The following MEGF10 variants were observed in gnomAD, a reference collection of about 807,000 sequenced individuals.
MEGF10 encodes the protein multiple epidermal growth factor-like domains protein 10.
A neutral mutation model predicts 147.5 loss-of-function variants in MEGF10; 86 were observed. The observed-to-expected ratio is 0.58, with a 90% confidence interval of 0.49 to 0.70. MEGF10 has a LOEUF of 0.70. MEGF10 is among the 30% of genes least tolerant of loss of function. The probability of loss-of-function intolerance (pLI) is 0.00; values close to 1 mark genes in which losing one functional copy is unlikely to be tolerated. For synonymous variants in MEGF10, 478 were observed against 525.5 expected (o/e 0.91, Z 1.24); for missense variants, 1,329 against 1,487.3 (o/e 0.89, Z 1.75).
At position 127,460,654 on chromosome 5, in the gene MEGF10, C is replaced by A. The variant is rs571575080; in HGVS notation, c.*3336C>A. 1 of 152,108 alleles carries A rather than the reference C, an allele frequency of 6.6e-6. No homozygotes were observed. Among genetic ancestry groups the A allele is most frequent in the Non-Finnish European group, 1.5e-5 (1 of 68,020 alleles). 9.4% of individuals were successfully genotyped at this position (152,108 alleles called of 1,614,324 possible). On this transcript the variant is annotated 3_prime_UTR_variant, in exon 25 of 25. Transcript: ENST00000503335. The stretch of plus-strand genomic sequence containing the variant: ...AATGGTAAATATTGCAAAAGTTAAA[C>A]AAGGGTACCACAATATCATTTATAA...
intron 5 of MEGF10, among the ~76,000 whole-genome samples, chr5:127,377,576 A>G (rs2126877391): frequency 6.6e-6 from 1 of 152,340 alleles, no homozygotes; most frequent in East Asian, 1.9e-4. Flanking sequence ...CGTAAGGAAC[A>G]CTGATAACCT....
At chr5:127,320,446 T>C (rs1188002446) in intron 1 of MEGF10, among the ~76,000 whole-genome samples, 1 of 152,160 alleles carries the variant, frequency 6.6e-6, no homozygotes, top group Non-Finnish European at 1.5e-5. Context: ...GGGTCATTTC[T>C]TGAGTGAAAG....
upstream of MEGF10, among the ~76,000 whole-genome samples, chr5:127,287,785 A>G (rs1759075969): frequency 6.6e-6 from 1 of 152,060 alleles, no homozygotes; most frequent in South Asian, 2.1e-4. Context: ...GAAGAGTTGA[A>G]CAAATTTTGA....
intron 1 of MEGF10, among the ~76,000 whole-genome samples, chr5:127,294,852 A>G (rs1029836237): frequency 4.8e-5 from 7 of 147,216 alleles, no homozygotes; most frequent in Non-Finnish European, 1.1e-4. Flanking sequence ...CTTGGAGTAG[A>G]AAAAGGACAA....
At chr5:127,435,590 T>TA in intron 16 of MEGF10, 101 bp downstream of exon 16, 1 of 1,162,206 alleles carries the variant, frequency 8.6e-7, no homozygotes. Flanking sequence ...CAAGAAAGAA[T>TA]ATATGACTAA....
the MEGF10 span, among the ~76,000 whole-genome samples, chr5:127,265,016 T>G: frequency 6.6e-6 from 1 of 152,016 alleles, no homozygotes; most frequent in Non-Finnish European, 1.5e-5. Flanking sequence ...GTGCTGCACC[T>G]ATTAACTTGT....
intron 4 of MEGF10, among the ~76,000 whole-genome samples, chr5:127,366,783 G>A (rs185759742): frequency 9.0e-4 from 137 of 152,234 alleles, no homozygotes; most frequent in Admixed American, 2.9e-3. Flanking sequence ...CAGGAATCAC[G>A]CATGAGAACA....
At chr5:127,325,905 ATATAT>A (rs1561572330) in intron 1 of MEGF10, among the ~76,000 whole-genome samples, 10 of 16,916 alleles carry the variant, frequency 5.9e-4, no homozygotes, top group Non-Finnish European at 1.0e-3. Context: ...ATATATATAT[ATATAT>A]TTTTTTTTTT....
At chr5:127,353,141 A>G (rs113769731) in intron 4 of MEGF10, among the ~76,000 whole-genome samples, 38 of 152,318 alleles carry the variant, frequency 2.5e-4, no homozygotes, top group African/African-American at 9.1e-4. Flanking sequence ...GATTTCTGGC[A>G]GTGAGGTAAG....
At chr5:127,370,101 T>A in intron 5 of MEGF10, 99 bp downstream of exon 5, 1 of 825,764 alleles carries the variant, frequency 1.2e-6, no homozygotes, top group Non-Finnish European at 2.0e-6. Flanking sequence ...TCTTCATCCC[T>A]ACACAGAGCA....
At chr5:127,356,149 C>A (rs1466215217) in intron 4 of MEGF10, among the ~76,000 whole-genome samples, 1 of 152,208 alleles carries the variant, frequency 6.6e-6, no homozygotes, top group South Asian at 2.1e-4. Context: ...AAGTGACCAA[C>A]CACAAAACAT....
the MEGF10 span, among the ~76,000 whole-genome samples, chr5:127,246,969 A>ATAG: frequency 1.6e-3 from 15 of 9,546 alleles, no homozygotes; most frequent in African/African-American, 3.7e-3. Flanking sequence ...ATATATAATA[A>ATAG]TATATGTATA....
intron 1 of MEGF10, among the ~76,000 whole-genome samples, chr5:127,294,835 T>TAAAAAAA (rs376539022): frequency 1.4e-5 from 2 of 143,142 alleles, no homozygotes; most frequent in African/African-American, 5.2e-5. Context: ...ATAATAATAA[T>TAAAAAAA]AAATAACTTG....
At chr5:127,318,932 G>A (rs115422902) in intron 1 of MEGF10, among the ~76,000 whole-genome samples, 2,149 of 152,162 alleles carry the variant, frequency 0.014, 35 homozygotes, top group African/African-American at 0.038. Context: ...CCTGTGACTT[G>A]AAATATACAT....
At chr5:127,246,462 G>A in the MEGF10 span, among the ~76,000 whole-genome samples, 1 of 151,920 alleles carries the variant, frequency 6.6e-6, no homozygotes, top group Non-Finnish European at 1.5e-5. Flanking sequence ...TGCGGGGTGG[G>A]GAGCAAGGGG....
chr5:127,294,821 AATAATAATAATAAT>A (rs1759423193), intron 1 of MEGF10, among the ~76,000 whole-genome samples: 1 of 144,280 alleles, frequency 6.9e-6, no homozygotes, highest in Admixed American at 7.2e-5. Flanking sequence ...TAATAATAAT[AATAATAATAATAAT>A]AAATAACTTG....
At chr5:127,441,730 A>G (rs1765763355) in intron 18 of MEGF10, among the ~76,000 whole-genome samples, 1 of 152,164 alleles carries the variant, frequency 6.6e-6, no homozygotes, top group Non-Finnish European at 1.5e-5. Context: ...AGGATCTGCC[A>G]AGATTATGGC....
intron 1 of MEGF10, among the ~76,000 whole-genome samples, chr5:127,292,311 AATG>A (rs1226434591): frequency 6.6e-6 from 1 of 152,220 alleles, no homozygotes; most frequent in East Asian, 1.9e-4. Context: ...GTAAAATCAA[AATG>A]ATAATAATAG....
At chr5:127,344,307 T>G (rs527620094) in intron 4 of MEGF10, among the ~76,000 whole-genome samples, 8 of 152,330 alleles carry the variant, frequency 5.3e-5, no homozygotes, top group African/African-American at 1.9e-4. Flanking sequence ...ATTGTGTGCT[T>G]ACTACATACC....
Sources: gnomAD v4.1 joint callset for allele counts (sites outside exome capture counted in the v4.1 genomes callset) on GRCh38, gnomAD v4.1.1 for gene constraint, MANE v1.5 for transcripts, NCBI Gene and HGNC (gene_info 2026-07-23, HGNC 2026-07-21) for gene names.